ZNF609: variants seen among roughly 807,000 people sequenced by gnomAD.
ZNF609 encodes the protein zinc finger protein 609.
A neutral mutation model predicts 109.5 loss-of-function variants in ZNF609; 11 were observed. The ratio of observed to expected loss-of-function variants is 0.10; its 90% confidence interval spans 0.06 to 0.17. ZNF609 has a LOEUF of 0.17. Ranked by LOEUF, ZNF609 falls within the 10% of genes least tolerant of loss-of-function variation. The pLI is 1.00. For synonymous variants in ZNF609, 646 were observed against 662.0 expected (o/e 0.98, Z 0.37); for missense variants, 1,559 against 1,772.4 (o/e 0.88, Z 2.16).
At chr15:64,656,143 A>G (rs1896484459) in intron 3 of ZNF609, among the ~76,000 whole-genome samples, 1 of 151,966 alleles carries the variant, frequency 6.6e-6, no homozygotes, top group South Asian at 2.1e-4. Flanking sequence ...GGCCCACTGC[A>G]ACCTCCGCCT....
At position 64,680,876 on chromosome 15, in the gene ZNF609, C is replaced by A. The variant is rs1392758583; in HGVS notation, c.4162+14C>A. The A allele has an allele frequency of 6.2e-7, 1 of 1,605,720 alleles. No individual in the cohort carries two copies. The highest frequency in any genetic ancestry group is 8.5e-7 in the Non-Finnish European group (1 of 1,179,718). The stretch of plus-strand genomic sequence containing the variant: ...CCTATGCAGCAGGTAAGCCTGTTTT[C>A]CCTACCACCTGTTGTTTTGTCTTGT... On this transcript the variant is annotated intron_variant, in intron 8 of 9. Coordinates refer to ENST00000326648, the MANE Select transcript of ZNF609 (RefSeq NM_015042.2).
intron 2 of ZNF609, chr15:64,501,032 T>A (rs1357298279): frequency 6.5e-6 from 1 of 154,176 alleles, no homozygotes; most frequent in Non-Finnish European, 1.4e-5. Context: ...AGAATGGGTG[T>A]GAGTCTAGGG....
intron 1 of ZNF609, among the ~76,000 whole-genome samples, chr15:64,487,834 C>A (rs759604082): frequency 2.6e-5 from 4 of 152,034 alleles, no homozygotes; most frequent in Non-Finnish European, 5.9e-5. Context: ...TGGGGTTTCA[C>A]CATATTGGCC....
At chr15:64,671,683 A>C (rs1187712329) in intron 4 of ZNF609, among the ~76,000 whole-genome samples, 1 of 152,180 alleles carries the variant, frequency 6.6e-6, no homozygotes. Flanking sequence ...CGTTGAGGGT[A>C]ACTTGCAACT....
chr15:64,501,974 C>A (rs1458419102), intron 2 of ZNF609: 1 of 152,130 alleles, frequency 6.6e-6, no homozygotes, highest in Non-Finnish European at 1.5e-5. Flanking sequence ...CTGAAAGATG[C>A]AGTATGTTCA....
intron 2 of ZNF609, among the ~76,000 whole-genome samples, chr15:64,583,181 C>T (rs1339629208): frequency 2.0e-5 from 3 of 151,274 alleles, no homozygotes; most frequent in African/African-American, 4.9e-5. Context: ...TACAGGCACC[C>T]GCCACCACAC....
chr15:64,642,016 A>AG (rs973492538), intron 3 of ZNF609, among the ~76,000 whole-genome samples: 8 of 152,122 alleles, frequency 5.3e-5, no homozygotes, highest in African/African-American at 1.9e-4. Flanking sequence ...ATGGTTTGCC[A>AG]GGATAAGTAG....
chr15:64,609,097 T>TTTCC (rs1895666909), intron 2 of ZNF609, among the ~76,000 whole-genome samples: 1 of 32,848 alleles, frequency 3.0e-5, no homozygotes, highest in Non-Finnish European at 1.0e-4. Context: ...TCTTTCTTTC[T>TTTCC]TTCTTTCTTT....
chr15:64,528,940 A>C (rs1362006944), intron 2 of ZNF609: 3 of 1,288,472 alleles, frequency 2.3e-6, no homozygotes, highest in Admixed American at 3.6e-5. Flanking sequence ...ACGACAGGTC[A>C]GGTCCGCCAC....
intron 1 of ZNF609, among the ~76,000 whole-genome samples, chr15:64,492,407 T>G (rs1235139493): frequency 2.0e-5 from 3 of 152,212 alleles, no homozygotes; most frequent in African/African-American, 7.2e-5. Context: ...AAAAATTTTT[T>G]AAACATTTTC....
At chr15:64,572,888 C>G (rs1894879595) in intron 2 of ZNF609, among the ~76,000 whole-genome samples, 1 of 151,992 alleles carries the variant, frequency 6.6e-6, no homozygotes. Flanking sequence ...ACAACAAGAG[C>G]AAAACTCCGT....
At chr15:64,572,477 T>C (rs913885236) in intron 2 of ZNF609, among the ~76,000 whole-genome samples, 1 of 152,160 alleles carries the variant, frequency 6.6e-6, no homozygotes, top group African/African-American at 2.4e-5. Flanking sequence ...ACATAGTATA[T>C]AATTTATTTT....
chr15:64,516,627 C>T (rs1380856891), intron 2 of ZNF609, among the ~76,000 whole-genome samples: 1 of 152,220 alleles, frequency 6.6e-6, no homozygotes, highest in Non-Finnish European at 1.5e-5. Flanking sequence ...ATCCTCCTGC[C>T]TCAATCCTCC....
intron 1 of ZNF609, among the ~76,000 whole-genome samples, chr15:64,482,344 A>G (rs1893266305): frequency 6.6e-6 from 1 of 152,146 alleles, no homozygotes; most frequent in African/African-American, 2.4e-5. Flanking sequence ...ATTATCCCAG[A>G]AATGTTAACA....
intron 2 of ZNF609, among the ~76,000 whole-genome samples, chr15:64,606,239 G>A (rs558753046): frequency 4.0e-5 from 6 of 150,720 alleles, no homozygotes; most frequent in Admixed American, 1.3e-4. Flanking sequence ...TCAGCCTTAC[G>A]GGTCTGCAAG....
intron 1 of ZNF609, among the ~76,000 whole-genome samples, chr15:64,476,266 T>G (rs1440381173): frequency 7.0e-6 from 1 of 141,910 alleles, no homozygotes; most frequent in African/African-American, 2.6e-5. Flanking sequence ...TTCTAGTTGT[T>G]TAAGATCAAT....
chr15:64,540,224 A>G (rs1158029771), intron 2 of ZNF609, among the ~76,000 whole-genome samples: 1 of 152,168 alleles, frequency 6.6e-6, no homozygotes, highest in Non-Finnish European at 1.5e-5. Context: ...GGAGTTTGCT[A>G]TTTGAAGGCA....
chr15:64,529,445 G>T, intron 2 of ZNF609: 1 of 905,426 alleles, frequency 1.1e-6, no homozygotes, highest in Non-Finnish European at 1.8e-6. Flanking sequence ...CCTGGAAAAT[G>T]GGTGATGGGG....
At chr15:64,605,710 C>G (rs909501362) in intron 2 of ZNF609, among the ~76,000 whole-genome samples, 5 of 149,822 alleles carry the variant, frequency 3.3e-5, no homozygotes, top group Admixed American at 6.6e-5. Flanking sequence ...AATAATAGAG[C>G]TGAGATTTTT....
Sources: allele counts gnomAD v4.1 joint callset (sites outside exome capture counted in the v4.1 genomes callset), GRCh38; gene constraint gnomAD v4.1.1; transcripts MANE v1.5; gene names NCBI Gene and HGNC (gene_info 2026-07-23, HGNC 2026-07-21).